CELF2: variants seen among roughly 807,000 people sequenced by gnomAD.
CELF2 encodes the protein CUGBP Elav-like family member 2.
A neutral mutation model predicts 62.6 loss-of-function variants in CELF2; 8 were observed. The ratio of observed to expected loss-of-function variants is 0.13; its 90% CI spans 0.07 to 0.23. CELF2 has a LOEUF of 0.23. CELF2 is among the 10% of genes least tolerant of loss of function. The pLI is 1.00. For synonymous variants in CELF2, 258 were observed against 250.0 expected (o/e 1.03, Z -0.30); for missense variants, 333 against 671.0 (o/e 0.50, Z 5.56).
chr10:10,691,928 T>C, the CELF2 span, among the ~76,000 whole-genome samples: 1 of 151,514 alleles, frequency 6.6e-6, no homozygotes, highest in Admixed American at 6.6e-5. Context: ...GATGAGTAGG[T>C]TGCGAAAATT....
Position 11,199,212 on chromosome 10 carries a change from C to G in CELF2, c.272-18213C>G, listed in dbSNP as rs541201444. On this transcript the variant is annotated intron_variant, in intron 2 of 12. Transcript: ENST00000633077. ...TCTTTAATTGGAGACTTGTTAGAAG[C>G]CATTCAGTTAAGAAGACAGTATGAG... Among the ~76,000 whole-genome samples, 6 of 152,292 alleles carry G rather than the reference C, an allele frequency of 3.9e-5. No homozygotes were observed. The South Asian group carries it at 1.2e-3, about 32-fold the overall frequency.
chr10:11,186,658 T>C (rs2075017645), intron 2 of CELF2, among the ~76,000 whole-genome samples: 1 of 152,220 alleles, frequency 6.6e-6, no homozygotes, highest in Non-Finnish European at 1.5e-5. Flanking sequence ...AACTTTGAAA[T>C]GCTCTAAAAC....
chr10:10,865,814 G>GA (rs1026361222), intron 1 of CELF2, among the ~76,000 whole-genome samples: 5 of 149,336 alleles, frequency 3.3e-5, no homozygotes, highest in African/African-American at 4.9e-5. Flanking sequence ...AACTTAACTG[G>GA]AAAAAAAAAG....
intron 1 of CELF2, among the ~76,000 whole-genome samples, chr10:11,126,006 A>G (rs1372900723): frequency 6.6e-6 from 1 of 152,110 alleles, no homozygotes; most frequent in African/African-American, 2.4e-5. Context: ...TCTTCCCATC[A>G]CTCAGAATAA....
At chr10:10,673,264 T>C in the CELF2 span, among the ~76,000 whole-genome samples, 5 of 152,168 alleles carry the variant, frequency 3.3e-5, no homozygotes, top group African/African-American at 1.2e-4. Flanking sequence ...GCTATCTGTA[T>C]GTATTGTCTT....
At chr10:11,291,928 T>G (rs1411593723) in intron 9 of CELF2, among the ~76,000 whole-genome samples, 1 of 152,242 alleles carries the variant, frequency 6.6e-6, no homozygotes, top group African/African-American at 2.4e-5. Context: ...GTCTAAAATG[T>G]ATTGCATTCA....
Position 11,329,596 on chromosome 10 carries a change from G to A in CELF2, c.*543G>A, listed in dbSNP as rs977386421. On this transcript the variant is annotated 3_prime_UTR_variant, in exon 13 of 13. Transcript: ENST00000633077. The surrounding 1 kb of genome is among the most constrained non-coding windows in gnomAD (Gnocchi z 5.5). Reference sequence around the variant, plus strand: ...GGAGAAGCACTTACTCCAACCACACGTCTTTCCACTACATCGGCTTGTTTT... The same window carrying A: ...GGAGAAGCACTTACTCCAACCACACATCTTTCCACTACATCGGCTTGTTTT... The A allele has an allele frequency of 2.6e-5, 4 of 152,556 alleles. No individual in the cohort carries two copies. Among genetic ancestry groups the A allele is most frequent in the South Asian group, 2.1e-4 (1 of 4,826 alleles). 9.5% of individuals were successfully genotyped at this position (152,556 alleles called of 1,614,324 possible). A position where few individuals can be genotyped will look rare whatever the true frequency, so the allele number is the denominator to read the frequency against.
the CELF2 span, among the ~76,000 whole-genome samples, chr10:10,745,135 A>C: frequency 2.8e-4 from 42 of 151,834 alleles, 1 homozygote; most frequent in African/African-American, 9.7e-4. Flanking sequence ...AAACAAAACA[A>C]AAAAAAACTA....
chr10:10,865,395 C>T (rs997771325), intron 1 of CELF2, among the ~76,000 whole-genome samples: 2 of 152,072 alleles, frequency 1.3e-5, no homozygotes, highest in African/African-American at 4.8e-5. Flanking sequence ...GAATTCTCCC[C>T]AAAATAAAAT....
the CELF2 span, among the ~76,000 whole-genome samples, chr10:10,617,252 T>G: frequency 6.6e-6 from 1 of 152,124 alleles, no homozygotes; most frequent in African/African-American, 2.4e-5. Flanking sequence ...AATGCCAAAA[T>G]AATAGTTAAC....
rs2096021928 is a variant in CELF2 at position 11,331,597 on chromosome 10, T to TAATATTTAAAAAAAAA, written c.*2547_*2562dup. 1 of 152,076 alleles carries TAATATTTAAAAAAAAA rather than the reference T, an allele frequency of 6.6e-6. No homozygotes were observed. The highest frequency in any genetic ancestry group is 2.4e-5 in the African/African-American group (1 of 41,330). The allele number at this position is 152,076 out of a possible 1,614,324, so 9.4% of individuals were successfully genotyped here. A position where few individuals can be genotyped will look rare whatever the true frequency, so the allele number is the denominator to read the frequency against. On this transcript the variant is annotated 3_prime_UTR_variant, in exon 13 of 13. Coordinates refer to ENST00000633077, the MANE Select transcript of CELF2 (RefSeq NM_001326342.2). Reference sequence around the variant, plus strand: ...TTATTATGTGTTTTGTATAAATCCCTAATATTTAAAAAAAAAAACAAAACA... The same window carrying TAATATTTAAAAAAAAA: ...TTATTATGTGTTTTGTATAAATCCCTAATATTTAAAAAAAAAAATATTTAAAAAAAAAAACAAAACA...
chr10:10,836,530 A>G (rs2058299565), intron 1 of CELF2, among the ~76,000 whole-genome samples: 1 of 152,268 alleles, frequency 6.6e-6, no homozygotes, highest in Admixed American at 6.5e-5. Flanking sequence ...GAGAGAGGCA[A>G]TGTATGCAGG....
At chr10:10,622,037 A>G in the CELF2 span, among the ~76,000 whole-genome samples, 7 of 152,200 alleles carry the variant, frequency 4.6e-5, no homozygotes, top group African/African-American at 1.7e-4. Context: ...CAGCCCAATA[A>G]CACTTTGTCA....
chr10:11,277,850 G>A (rs1182235986), intron 8 of CELF2, among the ~76,000 whole-genome samples: 2 of 152,152 alleles, frequency 1.3e-5, no homozygotes, highest in Non-Finnish European at 2.9e-5. Flanking sequence ...TGTGTCCTAC[G>A]TAGAGGGGGC....
At chr10:10,749,487 G>A in the CELF2 span, among the ~76,000 whole-genome samples, 81,621 of 152,066 alleles carry the variant, frequency 0.54, 22,740 homozygotes, top group African/African-American at 0.68. Context: ...ATGTGCAAAC[G>A]ATATTATTAT....
At chr10:10,682,203 C>T in the CELF2 span, among the ~76,000 whole-genome samples, 2 of 152,116 alleles carry the variant, frequency 1.3e-5, no homozygotes, top group Non-Finnish European at 2.9e-5. Flanking sequence ...TCAATTAATG[C>T]AGCAATATTA....
chr10:10,799,366 C>A (rs1590466481), intron 1 of CELF2, among the ~76,000 whole-genome samples: 1 of 151,998 alleles, frequency 6.6e-6, no homozygotes, highest in African/African-American at 2.4e-5. Context: ...TGCCTGTAGT[C>A]CCTGCTACTT....
the CELF2 span, among the ~76,000 whole-genome samples, chr10:10,736,581 G>T: frequency 4.6e-5 from 7 of 151,916 alleles, no homozygotes; most frequent in African/African-American, 1.4e-4. Context: ...TTGTTTGTTT[G>T]TTTGTTCGTT....
At chr10:10,728,992 A>C in the CELF2 span, among the ~76,000 whole-genome samples, 1 of 152,260 alleles carries the variant, frequency 6.6e-6, no homozygotes, top group South Asian at 2.1e-4. Context: ...ATTATAGAAC[A>C]TGTCGACAAA....
Sources: gnomAD v4.1 joint callset for allele counts (sites outside exome capture counted in the v4.1 genomes callset) on GRCh38, gnomAD v4.1.1 for gene constraint, Gnocchi (gnomAD v3.1) non-coding constraint, MANE v1.5 for transcripts, NCBI Gene and HGNC (gene_info 2026-07-23, HGNC 2026-07-21) for gene names.